Variants in PTPN23 observed in about 807,000 individuals in gnomAD.
PTPN23 encodes the protein protein tyrosine phosphatase non-receptor type 23, also known as tyrosine-protein phosphatase non-receptor type 23.
In PTPN23, 72 loss-of-function variants were observed where a neutral mutation model predicts 156.3. The ratio of observed to expected loss-of-function variants is 0.46; its 90% CI spans 0.38 to 0.56. The LOEUF is 0.56. Among genes scored for constraint, PTPN23 ranks in the 20% least tolerant of loss-of-function variants. The probability of loss-of-function intolerance (pLI) is 0.00; values close to 1 mark genes in which losing one functional copy is unlikely to be tolerated. For synonymous variants in PTPN23, 957 were observed against 899.6 expected, an observed-to-expected ratio of 1.06 and a Z score of -1.14; for missense variants, 1,974 against 2,171.5, an observed-to-expected ratio of 0.91 and a Z score of 1.81.
chr3:47,401,313 T>C (rs1388501612), intron 2 of PTPN23, among the ~76,000 whole-genome samples: 1 of 152,058 alleles, frequency 6.6e-6, no homozygotes, highest in Non-Finnish European at 1.5e-5. Flanking sequence ...CTTCTCCCCC[T>C]TCCCAAGCCT....
Position 47,407,014 on chromosome 3 carries a change from C to A in PTPN23, c.808-116C>A, listed in dbSNP as rs1161150924. ...TGCTGCTGTTGGCTGGGGTGGTGCC[C>A]GGCTGCCTCCTGAGCTGCTTGTCAT... On this transcript the variant is annotated intron_variant, in intron 9 of 24. Coordinates refer to ENST00000265562, the MANE Select transcript of PTPN23 (RefSeq NM_015466.4). This position sits in a 1 kb window ranked among gnomAD's most constrained non-coding sequence, Gnocchi z 4.0. 5 of 1,384,116 alleles carry A rather than the reference C, an allele frequency of 3.6e-6. No homozygotes were observed. Among genetic ancestry groups the A allele is most frequent in the Non-Finnish European group, 5.0e-6 (5 of 996,604 alleles). 85.7% of individuals were successfully genotyped at this position (1,384,116 alleles called of 1,614,324 possible). A position where few individuals can be genotyped will look rare whatever the true frequency, so the allele number is the denominator to read the frequency against.
Position 47,406,370 on chromosome 3 carries a change from A to C in PTPN23, c.592A>C (p.Arg198=). 6.2e-7 allele frequency: 1 copy of C among 1,613,878 alleles called. No homozygotes were observed. The highest frequency in any genetic ancestry group is 8.5e-7 in the Non-Finnish European group (1 of 1,180,016). ...CCTGGAGAAGTCGATGTTGGACAAC[A>C]GGAAGAGCTTTCTGGTGGCCCGCAT... ...CLLEKSMLDN[R]KSFLVARISA... The change falls in exon 7 of 25, where the codon AGG becomes CGG. Residue 198 remains arginine, a synonymous_variant. Coordinates refer to ENST00000265562, the MANE Select transcript of PTPN23 (RefSeq NM_015466.4). The surrounding 1 kb of genome is among the most constrained non-coding windows in gnomAD (Gnocchi z 5.8).
At chr3:47,385,257 C>T (rs1358735247) in intron 1 of PTPN23, among the ~76,000 whole-genome samples, 1 of 152,174 alleles carries the variant, frequency 6.6e-6, no homozygotes, top group African/African-American at 2.4e-5. Flanking sequence ...TGCCCTTAAC[C>T]AGCTGTACTT....
At chr3:47,390,072 CAAAAAAAA>C (rs891612283) in intron 1 of PTPN23, among the ~76,000 whole-genome samples, 2 of 49,350 alleles carry the variant, frequency 4.1e-5, no homozygotes, top group African/African-American at 1.5e-4. Context: ...GACTCCGTCT[CAAAAAAAA>C]AAAAAAAAAA....
Position 47,411,261 on chromosome 3 carries a change from C to T in PTPN23, c.3463C>T (p.Gln1155Ter). 6.2e-7 allele frequency: 1 copy of T among 1,610,016 alleles called. No homozygotes were observed. ...KVDAAEGRRP[Q>*]ALRLIERDPY... The stretch of plus-strand genomic sequence containing the variant: ...GGATGCAGCTGAGGGTCGTCGGCCG[C>T]AGGCCCTGCGGCTGATTGAGCGGGA... Residue 1155 changes from glutamine to a stop codon, truncating the protein, a stop_gained, in exon 20 of 25, where the codon CAG (glutamine) becomes TAG (stop). Coordinates refer to ENST00000265562, the MANE Select transcript of PTPN23 (RefSeq NM_015466.4). LOFTEE classifies it high-confidence loss of function. This position sits in a 1 kb window ranked among gnomAD's most constrained non-coding sequence, Gnocchi z 6.3.
rs756451901 is a variant in PTPN23, at chr3:47,412,741, CGGT to C, written c.4470_4472del (p.Gly1491del). The C allele has an allele frequency of 3.1e-6, 5 of 1,603,542 alleles. No individual in the cohort carries two copies. The highest frequency in any genetic ancestry group is 4.3e-6 in the Non-Finnish European group (5 of 1,172,888). ...CTCAGGACTCCCAGGACCTGGTCCT[CGGT>C]GGGGATGTGCCCATCAGCTCCATCC... On this transcript the variant is annotated inframe_deletion, in exon 25 of 25. Coordinates refer to ENST00000265562, the MANE Select transcript of PTPN23 (RefSeq NM_015466.4).
At chr3:47,390,588 G>A (rs946827780) in intron 1 of PTPN23, among the ~76,000 whole-genome samples, 4 of 152,164 alleles carry the variant, frequency 2.6e-5, no homozygotes, top group Non-Finnish European at 5.9e-5. Context: ...GTTCTGCAGA[G>A]TCCCAGACCA....
intron 1 of PTPN23, among the ~76,000 whole-genome samples, chr3:47,386,085 A>G (rs1240648711): frequency 6.6e-6 from 1 of 152,224 alleles, no homozygotes; most frequent in African/African-American, 2.4e-5. Flanking sequence ...GAAACAAGAA[A>G]GAACTTTTCC....
Position 47,410,569 on chromosome 3 carries a change from A to T in PTPN23, c.2771A>T (p.Tyr924Phe). 1.2e-6 allele frequency: 2 copies of T among 1,600,080 alleles called. No homozygotes were observed. Among genetic ancestry groups the T allele is most frequent in the Non-Finnish European group, 1.7e-6 (2 of 1,177,202 alleles). ...CAGCCACTGCCCACGCCTTACACCT[A>T]CCCTGCAGGGGCTAAGCAACCCATC... is the stretch of plus-strand genomic sequence containing the variant. Reference protein sequence around the residue: ...PPQPLPTPYTYPAGAKQPIPA... With the variant: ...PPQPLPTPYTFPAGAKQPIPA... Residue 924 changes from tyrosine to phenylalanine, a missense_variant, in exon 20 of 25, where the codon TAC becomes TTC. Physicochemically the swap from Tyr to Phe is conservative, Grantham distance 22. This residue lies in a region of PTPN23 where 731 missense variants were observed against 669.1 expected (regional missense o/e 1.09). Transcript: ENST00000265562.
intron 2 of PTPN23, among the ~76,000 whole-genome samples, chr3:47,397,741 C>T (rs4241548): frequency 0.49 from 75,132 of 151,956 alleles, 20,197 homozygotes; most frequent in Non-Finnish European, 0.6. Context: ...GCGATCTCAG[C>T]TCACTGCAAC....
rs1705130617 is a variant in PTPN23, at chr3:47,406,618, G to A, written c.759+6G>A. The A allele has an allele frequency of 1.9e-6, 3 of 1,613,738 alleles. No homozygotes were observed. The highest frequency in any genetic ancestry group is 2.2e-5 in the South Asian group (2 of 91,084). On this transcript the variant is annotated splice_donor_region_variant and intron_variant, in intron 8 of 24. Transcript: ENST00000265562. This position sits in a 1 kb window ranked among gnomAD's most constrained non-coding sequence, Gnocchi z 5.8. ...ACTTCGCAGCCGTGGCTCATGTGAG[G>A]GCCTGGGGCCCCAGGGCGGGGCAGG... is the stretch of plus-strand genomic sequence containing the variant.
chr3:47,402,242 A>C (rs949267156), intron 2 of PTPN23, among the ~76,000 whole-genome samples: 1 of 152,180 alleles, frequency 6.6e-6, no homozygotes. Flanking sequence ...AATTAAATAC[A>C]TGTCTGTCAG....
Position 47,406,387 on chromosome 3 carries a change from G to A in PTPN23, c.609G>A (p.Val203=). The A allele has an allele frequency of 6.2e-7, 1 of 1,613,934 alleles. No individual in the cohort carries two copies. Among genetic ancestry groups the A allele is most frequent in the Non-Finnish European group, 8.5e-7 (1 of 1,180,010 alleles). ...TGGACAACAGGAAGAGCTTTCTGGT[G>A]GCCCGCATCAGTGCACAGGTAGGGA... ...SMLDNRKSFL[V]ARISAQVVDY... Residue 203 remains valine (V), a synonymous_variant, in exon 7 of 25, where the codon GTG becomes GTA. Transcript: ENST00000265562. This position sits in a 1 kb window ranked among gnomAD's most constrained non-coding sequence, Gnocchi z 5.8.
intron 2 of PTPN23, among the ~76,000 whole-genome samples, chr3:47,399,164 C>T (rs1035938226): frequency 2.0e-5 from 3 of 152,170 alleles, no homozygotes; most frequent in African/African-American, 7.2e-5. Context: ...TCAGCAAGAT[C>T]TCCTGTATTT....
At chr3:47,395,491 G>A (rs1479483038) in intron 1 of PTPN23, among the ~76,000 whole-genome samples, 4 of 152,190 alleles carry the variant, frequency 2.6e-5, no homozygotes, top group African/African-American at 9.7e-5. Context: ...TATGCTCACT[G>A]TCCAAGACAG....
At chr3:47,384,412 C>T (rs1157185019) in intron 1 of PTPN23, among the ~76,000 whole-genome samples, 7 of 125,198 alleles carry the variant, frequency 5.6e-5, no homozygotes, top group Admixed American at 9.9e-5. Context: ...GAGCCAGGAT[C>T]GTGCCACTGC....
At position 47,412,548 on chromosome 3, in the gene PTPN23, G is replaced by C; in HGVS notation, c.4352G>C (p.Arg1451Thr). The change falls in exon 24 of 25, where the codon AGA becomes ACA. Residue 1451 changes from arginine (R) to threonine (T), a missense_variant. By Grantham distance (71) the Arg-to-Thr change is moderately conservative. Around this residue, in one of 4 missense-constraint regions of PTPN23, gnomAD observed 484 missense variants for 516.0 expected, o/e 0.94. Coordinates refer to ENST00000265562, the MANE Select transcript of PTPN23 (RefSeq NM_015466.4). ...HLRFCYEAVV[R>T]HVEQVLQRHG... is the part of the protein sequence containing the mutation. ...AGGTTCTGCTATGAGGCAGTGGTGAGACACGTGGAGCAGGTCCTGCAGCGC... is the reference window on the plus strand; with the variant it reads ...AGGTTCTGCTATGAGGCAGTGGTGACACACGTGGAGCAGGTCCTGCAGCGC... 6.2e-7 allele frequency: 1 copy of C among 1,613,588 alleles called. No individual in the cohort carries two copies. Among genetic ancestry groups the C allele is most frequent in the Non-Finnish European group, 8.5e-7 (1 of 1,179,994 alleles).
rs1380685709 is a variant in PTPN23, at chr3:47,407,114, C to T, written c.808-16C>T. 1.9e-6 allele frequency: 3 copies of T among 1,613,790 alleles called. No homozygotes were observed. In the Admixed American group the frequency reaches 5.0e-5, roughly 27 times the overall value. The stretch of plus-strand genomic sequence containing the variant: ...GCAGAGGAGGACAGAGCAGGCTTTC[C>T]TGCCACCCTCCACAGGTTGCATACT... On this transcript the variant is annotated splice_polypyrimidine_tract_variant and intron_variant, in intron 9 of 24. Transcript: ENST00000265562. The surrounding 1 kb of genome is among the most constrained non-coding windows in gnomAD (Gnocchi z 4.0).
rs370672468 is a variant in PTPN23, at chr3:47,388,243, G to A, written c.84+7063G>A. Among the ~76,000 whole-genome samples the A allele has an allele frequency of 1.1e-4, 16 of 152,172 alleles. No individual in the cohort carries two copies. In the East Asian group the frequency reaches 2.5e-3, roughly 24 times the overall value. On this transcript the variant is annotated intron_variant, in intron 1 of 24. Coordinates refer to ENST00000265562, the MANE Select transcript of PTPN23 (RefSeq NM_015466.4). ...ATTTTTTTAGAGATGGGGTCTTGCT[G>A]TAACACCCAGGCTGGAGTGCAAAGG...
Sources: allele counts gnomAD v4.1 joint callset (sites outside exome capture counted in the v4.1 genomes callset), GRCh38; gene constraint gnomAD v4.1.1; regional missense constraint gnomAD v4.1.1; non-coding constraint Gnocchi (gnomAD v3.1); transcripts MANE v1.5; gene names NCBI Gene and HGNC (gene_info 2026-07-23, HGNC 2026-07-21).